CXCR2: variants seen among roughly 807,000 people sequenced by gnomAD.
CXCR2 encodes C-X-C motif chemokine receptor 2, also known as C-X-C chemokine receptor type 2.
In CXCR2, 2 loss-of-function variants were observed where a neutral mutation model predicts 3.7. That is an observed-to-expected ratio of 0.55 (90% CI 0.22 to 1.72). The LOEUF (loss-of-function observed/expected upper bound fraction) is 1.72. Ranked by LOEUF, CXCR2 falls within the 40% of genes most tolerant of loss-of-function variation. CXCR2 has a pLI of 0.19. For synonymous variants in CXCR2, 203 were observed against 193.3 expected (o/e 1.05, Z -0.41); for missense variants, 351 against 450.1 (o/e 0.78, Z 1.99).
At chr2:218,132,048 T>C (rs1395114573) in intron 2 of CXCR2, among the ~76,000 whole-genome samples, 1 of 152,140 alleles carries the variant, frequency 6.6e-6, no homozygotes, top group African/African-American at 2.4e-5. Context: ...CCTGGGACTT[T>C]TGTTGTTATT....
chr2:218,134,908 C>G lies in CXCR2; in HGVS notation c.107C>G (p.Ala36Gly), dbSNP rs765105197. The change falls in exon 3 of 3, where the codon GCC (alanine) becomes GGC (glycine). Residue 36 changes from alanine to glycine, a missense_variant. Ala to Gly is a moderately conservative substitution (Grantham distance 60, BLOSUM62 0). Transcript: ENST00000318507. ...ACCCTGCCCCCTTTTCTACTAGATGCCGCCCCATGTGAACCAGAATCCCTG... is the reference window on the plus strand; with the variant it reads ...ACCCTGCCCCCTTTTCTACTAGATGGCGCCCCATGTGAACCAGAATCCCTG... ...SSTLPPFLLD[A>G]APCEPESLEI... 1.2e-6 allele frequency: 2 copies of G among 1,614,152 alleles called. No individual in the cohort carries two copies. The highest frequency in any genetic ancestry group is 1.7e-6 in the Non-Finnish European group (2 of 1,180,026).
intron 1 of CXCR2, among the ~76,000 whole-genome samples, chr2:218,127,795 G>T (rs534756164): frequency 1.8e-4 from 27 of 152,266 alleles, no homozygotes; most frequent in Admixed American, 4.6e-4. Context: ...AGGATTAATT[G>T]ATACAAATTC....
In CXCR2 at chr2:218,135,526, A is replaced by C; in HGVS notation, c.725A>C (p.His242Pro). The C allele has an allele frequency of 6.2e-7, 1 of 1,614,166 alleles. No individual in the cohort carries two copies. Among genetic ancestry groups the C allele is most frequent in the African/African-American group, 1.3e-5 (1 of 75,032 alleles). ...ACCCTGCGTACGCTGTTTAAGGCCC[A>C]CATGGGGCAGAAGCACCGGGCCATG... ...GFTLRTLFKA[H>P]MGQKHRAMRV... Residue 242 changes from histidine (H) to proline (P), a missense_variant, in exon 3 of 3, where the codon CAC becomes CCC. Transcript: ENST00000318507. This position sits in a 1 kb window ranked among gnomAD's most constrained non-coding sequence, Gnocchi z 4.0.
chr2:218,134,573 G>C (rs974892714), intron 2 of CXCR2, among the ~76,000 whole-genome samples: 1 of 152,156 alleles, frequency 6.6e-6, no homozygotes, highest in Non-Finnish European at 1.5e-5. Context: ...TTATATTAAA[G>C]AGAACTATGG....
intron 2 of CXCR2, 32 bp from the exon 3 acceptor site, chr2:218,134,745 A>G (rs577371955): frequency 4.4e-5 from 68 of 1,547,752 alleles, no homozygotes; most frequent in Non-Finnish European, 5.4e-5. Context: ...TGGGGAATTT[A>G]TTATGCAGTA....
At chr2:218,130,785 A>G (rs1690624169) in intron 2 of CXCR2, 1 of 152,280 alleles carries the variant, frequency 6.6e-6, no homozygotes, top group South Asian at 2.1e-4. Flanking sequence ...AGATTGGTAA[A>G]CTAAAAAACA....
intron 2 of CXCR2, among the ~76,000 whole-genome samples, chr2:218,129,773 ACT>A: frequency 6.6e-6 from 1 of 152,104 alleles, no homozygotes; most frequent in African/African-American, 2.4e-5. Context: ...TACTAAAATG[ACT>A]CTTTTGTTGT....
At chr2:218,130,210 C>CAAA in intron 2 of CXCR2, among the ~76,000 whole-genome samples, 1 of 152,140 alleles carries the variant, frequency 6.6e-6, no homozygotes, top group Non-Finnish European at 1.5e-5. Flanking sequence ...CACCTGAGGT[C>CAAA]AGGAGTTCGA....
intron 2 of CXCR2, among the ~76,000 whole-genome samples, chr2:218,130,416 C>CA (rs1477814659): frequency 2.0e-5 from 3 of 150,944 alleles, no homozygotes; most frequent in African/African-American, 4.9e-5. Context: ...GAGACTGCAT[C>CA]AAAAAAAGAA....
intron 2 of CXCR2, among the ~76,000 whole-genome samples, chr2:218,129,760 C>G (rs945548525): frequency 1.3e-5 from 2 of 152,206 alleles, no homozygotes; most frequent in Admixed American, 6.5e-5. Flanking sequence ...AATACTGGAA[C>G]TGTACTAAAA....
In CXCR2 at chr2:218,135,773, A is replaced by T; in HGVS notation, c.972A>T (p.Gly324=). Residue 324 remains glycine, a synonymous_variant, in exon 3 of 3, where the codon GGA becomes GGT. Coordinates refer to ENST00000318507, the MANE Select transcript of CXCR2 (RefSeq NM_001557.4). This position sits in a 1 kb window ranked among gnomAD's most constrained non-coding sequence, Gnocchi z 4.0. ...TCATTGGCCAGAAGTTTCGCCATGG[A>T]CTCCTCAAGATTCTAGCTATACATG... ...YAFIGQKFRH[G]LLKILAIHGL... The T allele has an allele frequency of 6.2e-7, 1 of 1,613,502 alleles. No individual in the cohort carries two copies. The highest frequency in any genetic ancestry group is 8.5e-7 in the Non-Finnish European group (1 of 1,179,960).
chr2:218,129,127 C>T (rs1690579185), intron 1 of CXCR2, among the ~76,000 whole-genome samples, 187 bp from the exon 2 acceptor site: 1 of 152,156 alleles, frequency 6.6e-6, no homozygotes, highest in African/African-American at 2.4e-5. Flanking sequence ...CCCTCAGGTC[C>T]CTTCCCAATA....
chr2:218,130,396 G>T (rs1329967421), intron 2 of CXCR2, among the ~76,000 whole-genome samples: 2 of 152,138 alleles, frequency 1.3e-5, no homozygotes, highest in Non-Finnish European at 2.9e-5. Flanking sequence ...CTCCAGCCTG[G>T]CAACAGAGCG....
intron 2 of CXCR2, among the ~76,000 whole-genome samples, chr2:218,130,250 G>A (rs550824761): frequency 6.6e-5 from 10 of 152,056 alleles, no homozygotes; most frequent in South Asian, 2.1e-4. Flanking sequence ...GTGAAACCCC[G>A]TCTCTACTAA....
intron 2 of CXCR2, among the ~76,000 whole-genome samples, chr2:218,130,580 C>T (rs985602709): frequency 6.6e-6 from 1 of 152,166 alleles, no homozygotes. Context: ...ACCCTGTGAT[C>T]GCAGGCTGGT....
At chr2:218,125,892 CAGA>C (rs1690497203), upstream of CXCR2, 1 of 152,602 alleles carries the variant, frequency 6.6e-6, no homozygotes, top group African/African-American at 2.4e-5. Flanking sequence ...TCAACAGAAA[CAGA>C]AGGAGGGACG....
intron 1 of CXCR2, among the ~76,000 whole-genome samples, chr2:218,127,035 CAGAAT>C (rs759502478): frequency 6.6e-6 from 1 of 151,962 alleles, no homozygotes; most frequent in African/African-American, 2.4e-5. Context: ...GCATGCTGAA[CAGAAT>C]AGAATTAGAA....
chr2:218,135,824 C>T lies in CXCR2; in HGVS notation c.1023C>T (p.Pro341=). The T allele has an allele frequency of 1.9e-6, 3 of 1,614,072 alleles. No individual in the cohort carries two copies. Among genetic ancestry groups the T allele is most frequent in the Non-Finnish European group, 2.5e-6 (3 of 1,179,970 alleles). ...IHGLISKDSL[P]KDSRPSFVGS... ...GCTTGATCAGCAAGGACTCCCTGCC[C>T]AAAGACAGCAGGCCTTCCTTTGTTG... The change falls in exon 3 of 3, where the codon CCC becomes CCT. Residue 341 remains proline (P), a synonymous_variant. Transcript: ENST00000318507. This position sits in a 1 kb window ranked among gnomAD's most constrained non-coding sequence, Gnocchi z 4.0.
intron 2 of CXCR2, among the ~76,000 whole-genome samples, chr2:218,130,226 G>C (rs1690608630): frequency 6.6e-6 from 1 of 152,094 alleles, no homozygotes; most frequent in Non-Finnish European, 1.5e-5. Flanking sequence ...TTCGAGACCA[G>C]CCCGACCAAC....
Sources: gnomAD v4.1 joint callset for allele counts (sites outside exome capture counted in the v4.1 genomes callset) on GRCh38, gnomAD v4.1.1 for gene constraint, Gnocchi (gnomAD v3.1) non-coding constraint, MANE v1.5 for transcripts, NCBI Gene and HGNC (gene_info 2026-07-23, HGNC 2026-07-21) for gene names.